Variants in CCDC178 observed in about 807,000 individuals in gnomAD.
The protein encoded by CCDC178 is coiled-coil domain containing 178, also known as coiled-coil domain-containing protein 178.
Under a neutral mutation model 117.4 loss-of-function variants are expected in CCDC178, and 126 were observed. That is an observed-to-expected ratio of 1.07 (90% CI 0.93 to 1.24). CCDC178 has a LOEUF of 1.24. CCDC178 is among the 50% of genes most tolerant of loss of function. CCDC178 has a pLI of 0.00. For synonymous variants in CCDC178, 283 were observed against 313.4 expected (o/e 0.90, Z 1.02); for missense variants, 1,030 against 986.9 (o/e 1.04, Z -0.59).
chr18:33,223,276 T>G (rs567339705), intron 17 of CCDC178, 57 bp from the exon 18 acceptor site: 1 of 1,502,770 alleles, frequency 6.7e-7, no homozygotes, highest in South Asian at 1.3e-5. Context: ...TATCCTCATT[T>G]AGGCCAAATC....
chr18:33,203,663 A>T (rs574663132), intron 20 of CCDC178, among the ~76,000 whole-genome samples: 2 of 152,254 alleles, frequency 1.3e-5, no homozygotes, highest in South Asian at 4.1e-4. Flanking sequence ...ATAAGTCAGG[A>T]CTTACCACTC....
At chr18:32,948,398 G>A (rs1347623839) in intron 22 of CCDC178, among the ~76,000 whole-genome samples, 1 of 151,976 alleles carries the variant, frequency 6.6e-6, no homozygotes, top group Non-Finnish European at 1.5e-5. Context: ...ATTTTCTTTT[G>A]TGGCACAGAA....
chr18:32,982,525 A>C (rs2055174821), intron 21 of CCDC178, among the ~76,000 whole-genome samples: 1 of 152,198 alleles, frequency 6.6e-6, no homozygotes, highest in African/African-American at 2.4e-5. Flanking sequence ...TTGTGAAAAC[A>C]TACAACTGCT....
intron 22 of CCDC178, among the ~76,000 whole-genome samples, chr18:32,963,108 A>T (rs997977352): frequency 1.4e-4 from 21 of 152,078 alleles, no homozygotes; most frequent in African/African-American, 5.1e-4. Context: ...AAGAACAGGT[A>T]CCTCACAGCC....
Position 32,982,854 on chromosome 18 carries a change from G to T in CCDC178, c.2389-8173C>A, listed in dbSNP as rs185661146. On this transcript the variant is annotated intron_variant, in intron 21 of 22. Coordinates refer to ENST00000383096, the MANE Select transcript of CCDC178 (RefSeq NM_001105528.4). Reference sequence around the variant, plus strand: ...GCAGAGCACACAGGGTTTTTAGGGCGGTGAAAATATTTTGTATGATACCAC... The same window carrying T: ...GCAGAGCACACAGGGTTTTTAGGGCTGTGAAAATATTTTGTATGATACCAC... Among the ~76,000 whole-genome samples the T allele has an allele frequency of 8.5e-5, 13 of 152,152 alleles. No homozygotes were observed. In the South Asian group the frequency reaches 2.7e-3, roughly 32 times the overall value.
At chr18:33,106,262 C>G (rs1196868345) in intron 20 of CCDC178, among the ~76,000 whole-genome samples, 1 of 151,692 alleles carries the variant, frequency 6.6e-6, no homozygotes, top group Non-Finnish European at 1.5e-5. Flanking sequence ...TATTTTCCTT[C>G]CTTCCTGCAA....
intron 7 of CCDC178, among the ~76,000 whole-genome samples, chr18:33,352,859 T>C (rs2062995727): frequency 1.3e-5 from 2 of 152,142 alleles, no homozygotes. Flanking sequence ...GAATGGTCCA[T>C]GTGCACATGA....
intron 22 of CCDC178, among the ~76,000 whole-genome samples, chr18:32,939,995 C>A (rs942611095): frequency 2.2e-4 from 33 of 152,018 alleles, no homozygotes; most frequent in Admixed American, 6.6e-4. Flanking sequence ...TAATAAAATG[C>A]CAGTTTACAT....
intron 16 of CCDC178, among the ~76,000 whole-genome samples, chr18:33,225,801 A>G (rs1379749426): frequency 1.3e-5 from 2 of 152,232 alleles, no homozygotes; most frequent in African/African-American, 2.4e-5. Context: ...GCCAAATTTC[A>G]TAACAGAAAA....
chr18:33,376,497 C>A (rs750812829), intron 5 of CCDC178, among the ~76,000 whole-genome samples: 10 of 152,132 alleles, frequency 6.6e-5, no homozygotes, highest in Non-Finnish European at 1.3e-4. Context: ...AGGTTTGTTA[C>A]ACAGGTATAT....
At chr18:33,113,109 T>C (rs992673396) in intron 20 of CCDC178, among the ~76,000 whole-genome samples, 5 of 151,980 alleles carry the variant, frequency 3.3e-5, no homozygotes, top group African/African-American at 4.8e-5. Context: ...GACTATCCAA[T>C]GACAAAAGAA....
intron 20 of CCDC178, among the ~76,000 whole-genome samples, chr18:33,190,450 TAA>T (rs1376597921): frequency 2.0e-5 from 3 of 152,214 alleles, no homozygotes; most frequent in African/African-American, 2.4e-5. Flanking sequence ...CAAATAGATA[TAA>T]GTTTATAATT....
intron 21 of CCDC178, among the ~76,000 whole-genome samples, chr18:33,013,780 T>C (rs1276664770): frequency 1.3e-5 from 2 of 152,214 alleles, no homozygotes; most frequent in Non-Finnish European, 2.9e-5. Context: ...GAAGACTATA[T>C]ATATGCATAC....
chr18:33,396,233 T>C (rs1005343741), intron 4 of CCDC178, among the ~76,000 whole-genome samples: 2 of 152,028 alleles, frequency 1.3e-5, no homozygotes, highest in African/African-American at 4.8e-5. Flanking sequence ...CAAATTTAAA[T>C]TAAAACCACA....
rs146745866 is a variant in CCDC178, at chr18:33,394,024, AG to A, written c.118+3124del. ...AAATTTTTTTTCACACACTAAGATC[AG>A]TCACATCAGGATTCATCTTAAAATT... is the stretch of plus-strand genomic sequence containing the variant. On this transcript the variant is annotated intron_variant, in intron 4 of 22. Coordinates refer to ENST00000383096, the MANE Select transcript of CCDC178 (RefSeq NM_001105528.4). Among the ~76,000 whole-genome samples, 1,284 of 152,156 alleles carry A rather than the reference AG, an allele frequency of 8.4e-3. 19 individuals carry two copies. The highest frequency in any genetic ancestry group is 0.029 in the African/African-American group (1,224 of 41,566).
chr18:33,020,419 T>C (rs1227351106), intron 21 of CCDC178, among the ~76,000 whole-genome samples: 1 of 152,192 alleles, frequency 6.6e-6, no homozygotes, highest in Non-Finnish European at 1.5e-5. Flanking sequence ...AGTATAGAAA[T>C]AATTGAGATT....
chr18:33,089,570 G>A (rs897753996), intron 21 of CCDC178, among the ~76,000 whole-genome samples: 3 of 152,110 alleles, frequency 2.0e-5, no homozygotes, highest in Non-Finnish European at 4.4e-5. Flanking sequence ...TTGTAGTAAG[G>A]AAGGGTAAAG....
At chr18:33,401,480 T>C (rs1215999947) in intron 3 of CCDC178, among the ~76,000 whole-genome samples, 1 of 152,172 alleles carries the variant, frequency 6.6e-6, no homozygotes, top group Admixed American at 6.5e-5. Flanking sequence ...GTTTCTGCCT[T>C]GGTGGATAAC....
intron 20 of CCDC178, among the ~76,000 whole-genome samples, chr18:33,133,606 A>C (rs2058090755): frequency 6.6e-6 from 1 of 151,904 alleles, no homozygotes; most frequent in South Asian, 2.1e-4. Flanking sequence ...CAACGATTAG[A>C]GAGTCTATTA....
Sources: gnomAD v4.1 joint callset for allele counts (sites outside exome capture counted in the v4.1 genomes callset) on GRCh38, gnomAD v4.1.1 for gene constraint, MANE v1.5 for transcripts, NCBI Gene and HGNC (gene_info 2026-07-23, HGNC 2026-07-21) for gene names.